The following ADAMTSL1 variants were observed in gnomAD, a reference collection of about 807,000 sequenced individuals.
The protein encoded by ADAMTSL1 is ADAMTS-like protein 1.
Under a neutral mutation model 201.8 loss-of-function variants are expected in ADAMTSL1, and 126 were observed. The ratio of observed to expected loss-of-function variants is 0.62; its 90% CI spans 0.54 to 0.72. The LOEUF (loss-of-function observed/expected upper bound fraction) is 0.72. ADAMTSL1 is among the 30% of genes least tolerant of loss of function. The pLI, the probability that ADAMTSL1 is intolerant of heterozygous loss-of-function variation, is 0.00. For synonymous variants in ADAMTSL1, 1,121 were observed against 903.4 expected, an observed-to-expected ratio of 1.24 and a Z score of -4.32; for missense variants, 2,679 against 2,277.8, an observed-to-expected ratio of 1.18 and a Z score of -3.59.
At chr9:18,544,757 C>G (rs113507440) in intron 3 of ADAMTSL1, among the ~76,000 whole-genome samples, 1 of 152,160 alleles carries the variant, frequency 6.6e-6, no homozygotes, top group Non-Finnish European at 1.5e-5. Flanking sequence ...TTGGCCAACC[C>G]GTAATTTCCC....
intron 1 of ADAMTSL1, among the ~76,000 whole-genome samples, chr9:17,979,587 T>G (rs923074864): frequency 6.6e-6 from 1 of 152,076 alleles, no homozygotes; most frequent in African/African-American, 2.4e-5. Flanking sequence ...GTATTGGTAC[T>G]GAACTTTCTT....
chr9:18,856,263 C>CT (rs1563862183), intron 23 of ADAMTSL1, among the ~76,000 whole-genome samples: 1 of 152,012 alleles, frequency 6.6e-6, no homozygotes, highest in Admixed American at 6.6e-5. Context: ...GCAATCATTA[C>CT]TTTTTTTCAG....
At chr9:18,023,613 T>C (rs909509026) in intron 1 of ADAMTSL1, among the ~76,000 whole-genome samples, 3 of 152,154 alleles carry the variant, frequency 2.0e-5, no homozygotes, top group Non-Finnish European at 4.4e-5. Flanking sequence ...TTTGGGATTT[T>C]TATCTGTTGG....
chr9:18,572,089 GA>G (rs1822349761), intron 3 of ADAMTSL1, among the ~76,000 whole-genome samples: 1 of 151,872 alleles, frequency 6.6e-6, no homozygotes, highest in Non-Finnish European at 1.5e-5. Context: ...CAACTGCTCA[GA>G]AGGCTGAGGT....
chr9:18,817,365 C>A (rs1277537494), intron 21 of ADAMTSL1, 128 bp downstream of exon 21: 2 of 914,250 alleles, frequency 2.2e-6, no homozygotes, highest in Admixed American at 3.2e-5. Context: ...AAAGCATGAA[C>A]CTCAGTCGCT....
chr9:18,406,071 T>G (rs1367823351), intron 2 of ADAMTSL1, among the ~76,000 whole-genome samples: 2 of 152,234 alleles, frequency 1.3e-5, no homozygotes, highest in Non-Finnish European at 2.9e-5. Context: ...GACTTGCAAG[T>G]TGAATGCAGT....
At chr9:18,637,597 C>T (rs368042669) in intron 6 of ADAMTSL1, among the ~76,000 whole-genome samples, 11 of 152,084 alleles carry the variant, frequency 7.2e-5, no homozygotes, top group African/African-American at 2.7e-4. Flanking sequence ...CAAACTGGAA[C>T]CTGCTTTTTT....
intron 21 of ADAMTSL1, among the ~76,000 whole-genome samples, chr9:18,824,018 A>G (rs1408234475): frequency 2.0e-5 from 3 of 151,572 alleles, no homozygotes; most frequent in Non-Finnish European, 4.4e-5. Flanking sequence ...GGAAGGAAGG[A>G]AAGAAGGAAG....
intron 1 of ADAMTSL1, among the ~76,000 whole-genome samples, chr9:18,024,614 A>T (rs1272089036): frequency 6.6e-6 from 1 of 152,018 alleles, no homozygotes; most frequent in Non-Finnish European, 1.5e-5. Context: ...TTTTATGGCC[A>T]TATAGTATTC....
At chr9:18,280,145 G>A (rs10810942) in intron 2 of ADAMTSL1, among the ~76,000 whole-genome samples, 34,803 of 151,896 alleles carry the variant, frequency 0.23, 4,551 homozygotes, top group Admixed American at 0.42. Context: ...TAGGTACCAG[G>A]TGTGCTTGGA....
chr9:18,699,320 C>CTTTTTTT (rs34869167), intron 13 of ADAMTSL1, among the ~76,000 whole-genome samples: 1 of 120,292 alleles, frequency 8.3e-6, no homozygotes, highest in Non-Finnish European at 1.7e-5. Flanking sequence ...GGGTTTTTTA[C>CTTTTTTT]TTTTTTTTTT....
chr9:18,383,454 G>C (rs1443059850), intron 2 of ADAMTSL1, among the ~76,000 whole-genome samples: 1 of 152,108 alleles, frequency 6.6e-6, no homozygotes, highest in Non-Finnish European at 1.5e-5. Flanking sequence ...GGGGTCATCA[G>C]CTACCCACAG....
At chr9:18,788,602 T>C (rs1250135029) in intron 19 of ADAMTSL1, among the ~76,000 whole-genome samples, 2 of 152,164 alleles carry the variant, frequency 1.3e-5, no homozygotes, top group Non-Finnish European at 2.9e-5. Flanking sequence ...AAGGATTCAA[T>C]AATAAAAAGC....
In ADAMTSL1 at chr9:17,914,423, C is replaced by T. The variant is rs145026977; in HGVS notation, c.87+7501C>T. 8.3e-3 allele frequency among the ~76,000 whole-genome samples: 1,261 copies of T among 152,294 alleles called. 20 individuals are homozygous for T. The highest frequency in any genetic ancestry group is 0.029 in the African/African-American group (1,187 of 41,558). On this transcript the variant is annotated intron_variant, in intron 1 of 29. Transcript: ENST00000680146. ...TAAACAGAACCAATGACAAAAACCA[C>T]ATGATTATCTCAATAGATGCAGAAA...
chr9:18,709,707 G>A (rs1281199165), intron 14 of ADAMTSL1, among the ~76,000 whole-genome samples: 1 of 152,092 alleles, frequency 6.6e-6, no homozygotes, highest in Admixed American at 6.5e-5. Context: ...TCACTTCCTT[G>A]TTAGATTTTA....
At chr9:18,769,575 G>C (rs1820566941) in intron 16 of ADAMTSL1, among the ~76,000 whole-genome samples, 1 of 152,180 alleles carries the variant, frequency 6.6e-6, no homozygotes, top group African/African-American at 2.4e-5. Context: ...TCACAGTCAG[G>C]AAGCCAGGCT....
rs1827707693 is a variant in ADAMTSL1, at chr9:17,950,942, T to A, written c.87+44020T>A. ...ACCCAGGGTCAAGTATTACCACCCC[T>A]AGGCTTGACCCAGGGTTATTGTTTC... On this transcript the variant is annotated intron_variant, in intron 1 of 29. Transcript: ENST00000680146. Among the ~76,000 whole-genome samples the A allele has an allele frequency of 1.3e-5, 2 of 152,092 alleles. 1 individual carries two copies. Among genetic ancestry groups the A allele is most frequent in the African/African-American group, 4.8e-5 (2 of 41,414 alleles).
chr9:18,022,669 C>T (rs1279621930), intron 1 of ADAMTSL1, among the ~76,000 whole-genome samples: 1 of 151,972 alleles, frequency 6.6e-6, no homozygotes, highest in Non-Finnish European at 1.5e-5. Flanking sequence ...CTAAGAATGT[C>T]ATAAAGCAAA....
At chr9:18,096,566 C>T (rs557165606) in intron 1 of ADAMTSL1, among the ~76,000 whole-genome samples, 44 of 152,306 alleles carry the variant, frequency 2.9e-4, no homozygotes, top group African/African-American at 9.6e-4. Context: ...TTACGTGAAG[C>T]ATGTTCTCTG....
Sources: gnomAD v4.1 joint callset for allele counts (sites outside exome capture counted in the v4.1 genomes callset) on GRCh38, gnomAD v4.1.1 for gene constraint, MANE v1.5 for transcripts, NCBI Gene and HGNC (gene_info 2026-07-23, HGNC 2026-07-21) for gene names.